Variants in PCDHGA2 observed in about 807,000 individuals in gnomAD.
PCDHGA2 encodes protocadherin gamma-A2.
In PCDHGA2, 40 loss-of-function variants were observed where a neutral mutation model predicts 59.2. The ratio of observed to expected loss-of-function variants is 0.68; its 90% CI spans 0.52 to 0.88. The LOEUF is 0.88. Ranked by LOEUF, PCDHGA2 falls within the 40% of genes least tolerant of loss-of-function variation. PCDHGA2 has a pLI of 0.00. For missense variants in PCDHGA2, 1,226 were observed against 1,204.0 expected (o/e 1.02, Z -0.27); for synonymous variants, 560 against 526.0 (o/e 1.06, Z -0.89).
At chr5:141,459,603 A>G (rs867387156) in intron 1 of PCDHGA2, among the ~76,000 whole-genome samples, 1 of 152,244 alleles carries the variant, frequency 6.6e-6, no homozygotes, top group Non-Finnish European at 1.5e-5. Flanking sequence ...AATGGGAAGT[A>G]TATGCTTAAC....
In PCDHGA2 at chr5:141,375,018, C is replaced by A; in HGVS notation, c.2424+33623C>A. 1.9e-6 allele frequency: 3 copies of A among 1,613,982 alleles called. No individual in the cohort carries two copies. The South Asian group carries it at 3.3e-5, about 18-fold the overall frequency. ...TCTGCAAATCTAGACTATGAGGACTCGAGTTTTTATGAGCTGGGTGTTGAA... is the reference window on the plus strand; with the variant it reads ...TCTGCAAATCTAGACTATGAGGACTAGAGTTTTTATGAGCTGGGTGTTGAA... On this transcript the variant is annotated intron_variant, in intron 1 of 3. Transcript: ENST00000394576.
chr5:141,415,107 A>C (rs372656276), intron 1 of PCDHGA2: 12 of 1,613,634 alleles, frequency 7.4e-6, no homozygotes, highest in East Asian at 2.2e-5. Context: ...CGCTCAAGCA[A>C]AGCCTCGTAG....
intron 1 of PCDHGA2, chr5:141,389,657 G>C (rs372714152): frequency 8.1e-6 from 13 of 1,612,432 alleles, no homozygotes; most frequent in African/African-American, 2.7e-5. Context: ...AGGTAGTGGC[G>C]GTGGACGCAG....
chr5:141,462,262 A>G (rs2099035971), intron 1 of PCDHGA2, among the ~76,000 whole-genome samples: 1 of 152,192 alleles, frequency 6.6e-6, no homozygotes, highest in African/African-American at 2.4e-5. Flanking sequence ...GACCAGCCTA[A>G]AGTGTATTGT....
At chr5:141,407,261 C>G (rs1396861077) in intron 1 of PCDHGA2, among the ~76,000 whole-genome samples, 1 of 152,128 alleles carries the variant, frequency 6.6e-6, no homozygotes, top group Non-Finnish European at 1.5e-5. Flanking sequence ...TATTTTTAAC[C>G]ATGCAACAAG....
chr5:141,365,660 G>A (rs752963380), intron 1 of PCDHGA2: 2 of 1,613,380 alleles, frequency 1.2e-6, no homozygotes, highest in Non-Finnish European at 1.7e-6. Context: ...GAAAGTAGCA[G>A]ACGTTAATGA....
chr5:141,423,906 G>A (rs2096789586), intron 1 of PCDHGA2: 17 of 1,272,396 alleles, frequency 1.3e-5, no homozygotes, highest in Non-Finnish European at 1.7e-5. Context: ...ATTTCAAAGG[G>A]GCCATTCAAC....
At position 141,477,217 on chromosome 5, in the gene PCDHGA2, G is replaced by T. The variant is rs745497348; in HGVS notation, c.2425-17590G>T. On this transcript the variant is annotated intron_variant, in intron 1 of 3. Transcript: ENST00000394576. This position sits in a 1 kb window ranked among gnomAD's most constrained non-coding sequence, Gnocchi z 4.9. ...GCCCAGTACCCGAGGATGCCCCTCTGGGGACTGTCATCGCTTTGCTCAGTG... is the reference window on the plus strand; with the variant it reads ...GCCCAGTACCCGAGGATGCCCCTCTTGGGACTGTCATCGCTTTGCTCAGTG... The T allele has an allele frequency of 8.1e-6, 13 of 1,614,178 alleles. No homozygotes were observed. The African/African-American group carries it at 1.7e-4, about 22-fold the overall frequency.
chr5:141,482,588 C>T (rs559327092), intron 1 of PCDHGA2, among the ~76,000 whole-genome samples: 3 of 147,192 alleles, frequency 2.0e-5, no homozygotes, highest in Admixed American at 6.8e-5. Context: ...GCAGTGGGAC[C>T]AAACGGGAAA....
At chr5:141,414,496 C>T in intron 1 of PCDHGA2, 7 of 1,613,956 alleles carry the variant, frequency 4.3e-6, no homozygotes, top group Middle Eastern at 1.6e-4. Flanking sequence ...AACGGAAGCT[C>T]ACTTTATGCT....
Position 141,491,531 on chromosome 5 carries a change from T to G in PCDHGA2, c.2425-3276T>G, listed in dbSNP as rs532897059. On this transcript the variant is annotated intron_variant, in intron 1 of 3. Coordinates refer to ENST00000394576, the MANE Select transcript of PCDHGA2 (RefSeq NM_018915.4). This position sits in a 1 kb window ranked among gnomAD's most constrained non-coding sequence, Gnocchi z 6.9. ...ACGCTCAAGTACATGGAGGTGACGC[T>G]GCGGCCCACAGACTCGCAGAGCCAC... The G allele has an allele frequency of 6.2e-7, 1 of 1,614,044 alleles. No homozygotes were observed. The highest frequency in any genetic ancestry group is 1.7e-5 in the Admixed American group (1 of 60,028).
chr5:141,351,968 C>T, intron 1 of PCDHGA2: 4 of 1,612,640 alleles, frequency 2.5e-6, no homozygotes, highest in Non-Finnish European at 3.4e-6. Flanking sequence ...TGGCTCCGCC[C>T]TCTTCGATAT....
chr5:141,375,404 AAT>A, intron 1 of PCDHGA2: 2 of 1,613,912 alleles, frequency 1.2e-6, no homozygotes, highest in Non-Finnish European at 1.7e-6. Context: ...CATCTCTCTA[AAT>A]GTGGCAGACA....
chr5:141,382,807 T>TC (rs1430207152), intron 1 of PCDHGA2: 2 of 1,107,572 alleles, frequency 1.8e-6, no homozygotes, highest in Non-Finnish European at 2.6e-6. Context: ...GATTCTGAGC[T>TC]CCCCTTCCTA....
At chr5:141,480,781 G>A (rs2099525581) in intron 1 of PCDHGA2, among the ~76,000 whole-genome samples, 1 of 152,174 alleles carries the variant, frequency 6.6e-6, no homozygotes, top group Admixed American at 6.5e-5. Flanking sequence ...CTAATGTGCA[G>A]ACAAATTTGA....
chr5:141,378,647 G>A lies in PCDHGA2; in HGVS notation c.2424+37252G>A, dbSNP rs576972610. On this transcript the variant is annotated intron_variant, in intron 1 of 3. Coordinates refer to ENST00000394576, the MANE Select transcript of PCDHGA2 (RefSeq NM_018915.4). Reference sequence around the variant, plus strand: ...CTGACTGGTGAATGGGAGAACAAATGTTAATGAGGTTCAAATAAAAATTTA... The same window carrying A: ...CTGACTGGTGAATGGGAGAACAAATATTAATGAGGTTCAAATAAAAATTTA... 11 of 152,304 alleles carry A rather than the reference G, an allele frequency of 7.2e-5. No homozygotes were observed. The East Asian group carries it at 1.9e-3, about 27-fold the overall frequency. 9.4% of individuals were successfully genotyped at this position (152,304 alleles called of 1,614,324 possible).
chr5:141,338,900 C>G lies in PCDHGA2; in HGVS notation c.-72C>G. ...CCCGTGAATGCTGGTTATCTCACAC[C>G]CTGAGGAATAAAGATTGGAATCCGC... On this transcript the variant is annotated 5_prime_UTR_variant, in exon 1 of 4. Transcript: ENST00000394576. 1 of 1,489,242 alleles carries G rather than the reference C, an allele frequency of 6.7e-7. No individual in the cohort carries two copies. The highest frequency in any genetic ancestry group is 8.9e-7 in the Non-Finnish European group (1 of 1,120,186). The allele number at this position is 1,489,242 out of a possible 1,614,324, so 92.3% of individuals were successfully genotyped here. A position where few individuals can be genotyped will look rare whatever the true frequency, so the allele number is the denominator to read the frequency against.
intron 1 of PCDHGA2, chr5:141,357,136 G>A: frequency 1.2e-6 from 2 of 1,613,540 alleles, no homozygotes; most frequent in Non-Finnish European, 1.7e-6. Context: ...TGTAGTGGTC[G>A]TCCAGGACCA....
At chr5:141,504,450 T>C (rs931613781) in intron 2 of PCDHGA2, among the ~76,000 whole-genome samples, 1 of 151,918 alleles carries the variant, frequency 6.6e-6, no homozygotes, top group Non-Finnish European at 1.5e-5. Context: ...ACTAGTGCCA[T>C]GTGGGGCAGC....
Sources: allele counts gnomAD v4.1 joint callset (sites outside exome capture counted in the v4.1 genomes callset), GRCh38; gene constraint gnomAD v4.1.1; non-coding constraint Gnocchi (gnomAD v3.1); transcripts MANE v1.5; gene names NCBI Gene and HGNC (gene_info 2026-07-23, HGNC 2026-07-21).